Variants in ILK observed in about 807,000 individuals in gnomAD.
The protein encoded by ILK is scaffold protein ILK.
ILK carries 37 observed loss-of-function variants against 57.8 expected under a neutral mutation model. That is an observed-to-expected ratio of 0.64 (90% CI 0.49 to 0.84). The LOEUF is 0.84. ILK is among the 40% of genes least tolerant of loss of function. The pLI, the probability that ILK is intolerant of heterozygous loss-of-function variation, is 0.00. For synonymous variants in ILK, 231 were observed against 202.2 expected, an observed-to-expected ratio of 1.14 and a Z score of -1.21; for missense variants, 528 against 595.7, an observed-to-expected ratio of 0.89 and a Z score of 1.18.
intron 2 of ILK, 63 bp downstream of exon 2, chr11:6,604,423 G>C: frequency 7.0e-7 from 1 of 1,425,990 alleles, no homozygotes; most frequent in Non-Finnish European, 9.7e-7. Context: ...GTGGAGTGGA[G>C]TGCTCATGTC....
At chr11:6,606,046 C>T (rs891175939) in intron 2 of ILK, among the ~76,000 whole-genome samples, 2 of 152,130 alleles carry the variant, frequency 1.3e-5, no homozygotes, top group Admixed American at 6.5e-5. Flanking sequence ...TGGTGGCGTG[C>T]GCCTGTAATC....
At chr11:6,604,122 C>T in intron 1 of ILK, 58 bp from the exon 2 acceptor site, 1 of 726,622 alleles carries the variant, frequency 1.4e-6, no homozygotes, top group Admixed American at 2.1e-5. Context: ...CAGACCCCCA[C>T]TAGCCGGGGA....
rs768615003 is a variant in ILK, at chr11:6,610,639, G to C, written c.*28G>C. 25 of 1,613,838 alleles carry C rather than the reference G, an allele frequency of 1.5e-5. No homozygotes were observed. The highest frequency in any genetic ancestry group is 1.9e-5 in the Non-Finnish European group (23 of 1,179,910). ...CTGGAAGGTCCTTGCCTGAACTCCA[G>C]AGGTGTCGGGACATGGTTGGGGGAA... On this transcript the variant is annotated 3_prime_UTR_variant, in exon 13 of 13. Transcript: ENST00000299421.
rs189208619 is a variant in ILK at position 6,609,324 on chromosome 11, A to G, written c.644A>G (p.Asn215Ser). The part of the protein sequence containing the change: ...GELWKGRWQG[N>S]DIVVKVLKVR... Reference sequence around the variant, plus strand: ...CTATGGAAGGGCCGCTGGCAGGGCAATGACATTGTCGTGAAGGTGCTGAAG... The same window carrying G: ...CTATGGAAGGGCCGCTGGCAGGGCAGTGACATTGTCGTGAAGGTGCTGAAG... Residue 215 changes from asparagine to serine, a missense_variant, in exon 8 of 13, where the codon AAT becomes AGT. Transcript: ENST00000299421. 26 of 1,614,178 alleles carry G rather than the reference A, an allele frequency of 1.6e-5. No homozygotes were observed. In the Admixed American group the frequency reaches 2.0e-4, roughly 12 times the overall value.
intron 2 of ILK, chr11:6,604,725 A>T: frequency 2.1e-6 from 1 of 474,558 alleles, no homozygotes; most frequent in Non-Finnish European, 4.0e-6. Context: ...AGAACAGGAC[A>T]TAAGACTGTA....
At chr11:6,609,020 T>C (rs754777381) in intron 6 of ILK, 51 bp from the exon 7 acceptor site, 2 of 1,612,670 alleles carry the variant, frequency 1.2e-6, no homozygotes, top group African/African-American at 1.3e-5. Flanking sequence ...TCCTGGCCTC[T>C]TGGGGCTGGG....
chr11:6,608,781 C>T lies in ILK; in HGVS notation c.439C>T (p.Leu147Phe), dbSNP rs753415741. The T allele has an allele frequency of 3.7e-6, 6 of 1,613,636 alleles. No individual in the cohort carries two copies. Among genetic ancestry groups the T allele is most frequent in the East Asian group, 4.5e-5 (2 of 44,890 alleles). Residue 147 changes from leucine (L) to phenylalanine (F), a missense_variant, in exon 5 of 13, where the codon CTT (leucine) becomes TTT (phenylalanine). By Grantham distance (22) the Leu-to-Phe change is conservative. Transcript: ENST00000299421. The surrounding 1 kb of genome is among the most constrained non-coding windows in gnomAD (Gnocchi z 4.9). ...CAAAGCCAAGGCACCCCTGAGAGAG[C>T]TTCTCCGAGGTCCATCTCCCCATCC... Reference protein sequence around the residue: ...VDKAKAPLRELLRERAEKMGQ... With the variant: ...VDKAKAPLREFLRERAEKMGQ...
Position 6,604,115 on chromosome 11 carries a change from A to AC in ILK, c.-92-60dup, listed in dbSNP as rs1356550478. Reference sequence around the variant, plus strand: ...CCCGCAGCCCCGAACTCCTTCACAGACCCCCACTAGCCGGGGACGCAGCTC... The same window carrying AC: ...CCCGCAGCCCCGAACTCCTTCACAGACCCCCCACTAGCCGGGGACGCAGCTC... On this transcript the variant is annotated intron_variant, in intron 1 of 12. Coordinates refer to ENST00000299421, the MANE Select transcript of ILK (RefSeq NM_004517.4). The AC allele has an allele frequency of 4.3e-6, 3 of 700,812 alleles. No individual in the cohort carries two copies. The Admixed American group carries it at 6.2e-5, about 15-fold the overall frequency. The allele number at this position is 700,812 out of a possible 1,614,324, so 43.4% of individuals were successfully genotyped here.
intron 2 of ILK, among the ~76,000 whole-genome samples, chr11:6,605,510 TG>T (rs1300434844): frequency 7.5e-6 from 1 of 133,492 alleles, no homozygotes; most frequent in Non-Finnish European, 1.6e-5. Context: ...AATTTACAGT[TG>T]GGTTTTTTTT....
In ILK at chr11:6,610,527, G is replaced by A. The variant is rs373728455; in HGVS notation, c.1275G>A (p.Met425Ile). 115 of 1,614,102 alleles carry A rather than the reference G, an allele frequency of 7.1e-5. No homozygotes were observed. Among genetic ancestry groups the A allele is most frequent in the Non-Finnish European group, 9.6e-5 (113 of 1,180,048 alleles). Reference protein sequence around the residue: ...PGISPHVCKLMKICMNEDPAK... With the variant: ...PGISPHVCKLIKICMNEDPAK... ...TTTCCCCTCATGTGTGTAAGCTCAT[G>A]AAGATCTGCATGAATGAAGACCCTG... Residue 425 changes from methionine (M) to isoleucine (I), a missense_variant, in exon 13 of 13, where the codon ATG becomes ATA. Physicochemically the swap from Met to Ile is conservative, Grantham distance 10. Transcript: ENST00000299421.
chr11:6,610,491 C>G lies in ILK; in HGVS notation c.1239C>G (p.Ile413Met). 6.2e-7 allele frequency: 1 copy of G among 1,614,200 alleles called. No homozygotes were observed. Among genetic ancestry groups the G allele is most frequent in the Non-Finnish European group, 8.5e-7 (1 of 1,180,018 alleles). Reference protein sequence around the residue: ...KVALEGLRPTIPPGISPHVCK... With the variant: ...KVALEGLRPTMPPGISPHVCK... The stretch of plus-strand genomic sequence containing the variant: ...CATTGGAAGGCCTTCGGCCTACCAT[C>G]CCACCAGGTATTTCCCCTCATGTGT... Residue 413 changes from isoleucine to methionine, a missense_variant, in exon 13 of 13, where the codon ATC (isoleucine) becomes ATG (methionine). Transcript: ENST00000299421.
Position 6,604,297 on chromosome 11 carries a change from G to A in ILK, c.26G>A (p.Arg9Gln), listed in dbSNP as rs777208312. The A allele has an allele frequency of 6.2e-7, 1 of 1,612,772 alleles. No individual in the cohort carries two copies. The highest frequency in any genetic ancestry group is 8.5e-7 in the Non-Finnish European group (1 of 1,179,712). Reference protein sequence around the residue: MDDIFTQCREGNAVAVRLW... With the variant: MDDIFTQCQEGNAVAVRLW... ...ATGGACGACATTTTCACTCAGTGCC[G>A]GGAGGGCAACGCAGTCGCCGTTCGC... Residue 9 changes from arginine (R) to glutamine (Q), a missense_variant, in exon 2 of 13, where the codon CGG becomes CAG. By Grantham distance (43) the Arg-to-Gln change is conservative. Coordinates refer to ENST00000299421, the MANE Select transcript of ILK (RefSeq NM_004517.4).
chr11:6,608,304 T>C lies in ILK; in HGVS notation c.256-90T>C, dbSNP rs532339502. 4.0e-5 allele frequency: 63 copies of C among 1,557,536 alleles called. No homozygotes were observed. The Admixed American group carries it at 1.0e-3, about 25-fold the overall frequency. On this transcript the variant is annotated intron_variant, in intron 3 of 12. Coordinates refer to ENST00000299421, the MANE Select transcript of ILK (RefSeq NM_004517.4). This position sits in a 1 kb window ranked among gnomAD's most constrained non-coding sequence, Gnocchi z 4.9. ...CATACAGTAGAAAGCATGTGTGCTCTTCCCCCTTTTCCCATGCCCTGACAC... is the reference window on the plus strand; with the variant it reads ...CATACAGTAGAAAGCATGTGTGCTCCTCCCCCTTTTCCCATGCCCTGACAC...
chr11:6,610,019 C>T lies in ILK; in HGVS notation c.1062C>T (p.Ala354=). 6.2e-7 allele frequency: 1 copy of T among 1,614,148 alleles called. No individual in the cohort carries two copies. The highest frequency in any genetic ancestry group is 8.5e-7 in the Non-Finnish European group (1 of 1,180,008). Residue 354 remains alanine (A), a synonymous_variant, in exon 11 of 13, where the codon GCC becomes GCT. Coordinates refer to ENST00000299421, the MANE Select transcript of ILK (RefSeq NM_004517.4). ...FQCPGRMYAP[A]WVAPEALQKK... is the part of the protein sequence containing the mutation. ...GTCCTGGTCGCATGTATGCACCTGC[C>T]TGGGTAGCCCCCGAAGGTGAGTGAA...
At chr11:6,605,682 C>T (rs6578766) in intron 2 of ILK, among the ~76,000 whole-genome samples, 45,266 of 151,740 alleles carry the variant, frequency 0.3, 7,095 homozygotes, top group African/African-American at 0.39. Flanking sequence ...CTCTGGTAGG[C>T]CCCAGTGTCT....
rs781099551 is a variant in ILK at position 6,609,979 on chromosome 11, A to G, written c.1022A>G (p.Lys341Arg). Residue 341 changes from lysine to arginine, a missense_variant, in exon 11 of 13, where the codon AAG becomes AGG. Physicochemically the swap from Lys to Arg is conservative, Grantham distance 26. Coordinates refer to ENST00000299421, the MANE Select transcript of ILK (RefSeq NM_004517.4). ...MTARISMADV[K>R]FSFQCPGRMY... The stretch of plus-strand genomic sequence containing the variant: ...GCCCGAATTAGCATGGCTGATGTCA[A>G]GTTCTCTTTCCAATGTCCTGGTCGC... The G allele has an allele frequency of 6.2e-6, 10 of 1,614,204 alleles. No homozygotes were observed. The East Asian group carries it at 1.6e-4, about 25-fold the overall frequency.
Position 6,610,612 on chromosome 11 carries a change from G to A in ILK, c.*1G>A, listed in dbSNP as rs1855410741. 1.9e-6 allele frequency: 3 copies of A among 1,614,194 alleles called. No individual in the cohort carries two copies. Among genetic ancestry groups the A allele is most frequent in the Middle Eastern group, 1.6e-4 (1 of 6,062 alleles). On this transcript the variant is annotated 3_prime_UTR_variant, in exon 13 of 13. Coordinates refer to ENST00000299421, the MANE Select transcript of ILK (RefSeq NM_004517.4). ...CCTTGAGAAGATGCAGGACAAGTAG[G>A]ACTGGAAGGTCCTTGCCTGAACTCC...
chr11:6,605,901 C>T (rs7938444), intron 2 of ILK, among the ~76,000 whole-genome samples: 48,927 of 152,024 alleles, frequency 0.32, 8,495 homozygotes, highest in African/African-American at 0.45. Flanking sequence ...GTAGGCCGGG[C>T]GCGGTGGCTC....
rs1316191093 is a variant in ILK at position 6,609,305 on chromosome 11, A to G, written c.625A>G (p.Lys209Glu). 6.2e-6 allele frequency: 10 copies of G among 1,613,928 alleles called. No individual in the cohort carries two copies. In the South Asian group the frequency reaches 9.9e-5, roughly 16 times the overall value. The change falls in exon 8 of 13, where the codon AAG (lysine) becomes GAG (glutamate). Residue 209 changes from lysine to glutamate, a missense_variant. Coordinates refer to ENST00000299421, the MANE Select transcript of ILK (RefSeq NM_004517.4). Reference sequence around the variant, plus strand: ...ACCCCTACCTGTCCTGCAGCTATGGAAGGGCCGCTGGCAGGGCAATGACAT... The same window carrying G: ...ACCCCTACCTGTCCTGCAGCTATGGGAGGGCCGCTGGCAGGGCAATGACAT... ...LNENHSGELW[K>E]GRWQGNDIVV...
Sources: gnomAD v4.1 joint callset for allele counts (sites outside exome capture counted in the v4.1 genomes callset) on GRCh38, gnomAD v4.1.1 for gene constraint, Gnocchi (gnomAD v3.1) non-coding constraint, MANE v1.5 for transcripts, NCBI Gene and HGNC (gene_info 2026-07-23, HGNC 2026-07-21) for gene names.